GAS6: variants seen among roughly 807,000 people sequenced by gnomAD.
GAS6 encodes growth arrest-specific protein 6.
A neutral mutation model predicts 75.8 loss-of-function variants in GAS6; 41 were observed. That is an observed-to-expected ratio of 0.54 (90% CI 0.42 to 0.70). GAS6 has a LOEUF of 0.70. GAS6 is among the 30% of genes least tolerant of loss of function. GAS6 has a pLI of 0.00. For synonymous variants in GAS6, 432 were observed against 412.6 expected (o/e 1.05, Z -0.57); for missense variants, 854 against 940.2 (o/e 0.91, Z 1.20).
Position 113,848,374 on chromosome 13 carries a change from T to C in GAS6, c.256-324A>G, listed in dbSNP as rs1281339405. ...GTCTCTAAAACCCAAAGACCTTAGT[T>C]CCCTGTTGACACAAAGGTCTCTCAA... is the stretch of plus-strand genomic sequence containing the variant. On this transcript the variant is annotated intron_variant, in intron 2 of 14. Transcript: ENST00000327773. This position sits in a 1 kb window ranked among gnomAD's most constrained non-coding sequence, Gnocchi z 4.8. Among the ~76,000 whole-genome samples the C allele has an allele frequency of 6.6e-6, 1 of 152,172 alleles. No individual in the cohort carries two copies. Among genetic ancestry groups the C allele is most frequent in the African/African-American group, 2.4e-5 (1 of 41,428 alleles).
At chr13:113,835,402 T>C (rs1205031209) in intron 7 of GAS6, 111 bp downstream of exon 7, 4 of 1,305,640 alleles carry the variant, frequency 3.1e-6, no homozygotes, top group South Asian at 2.6e-5. Flanking sequence ...AGAAAGAGAC[T>C]TTCTTTCACC....
chr13:113,823,246 C>T (rs908078911), intron 13 of GAS6, 129 bp downstream of exon 13: 14 of 1,083,018 alleles, frequency 1.3e-5, no homozygotes, highest in African/African-American at 6.4e-5. Flanking sequence ...GCTCATCAGA[C>T]CTCTGGTCAG....
intron 4 of GAS6, chr13:113,840,075 T>G (rs925928730): frequency 4.3e-5 from 24 of 561,072 alleles, no homozygotes; most frequent in Non-Finnish European, 7.0e-5. Flanking sequence ...TCAGATCAAC[T>G]GGGAGGGAGT....
In GAS6 at chr13:113,824,082, A is replaced by C. The variant is rs1371939625; in HGVS notation, c.1478-532T>G. On this transcript the variant is annotated intron_variant, in intron 12 of 14. Coordinates refer to ENST00000327773, the MANE Select transcript of GAS6 (RefSeq NM_000820.4). Reference sequence around the variant, plus strand: ...AGGAGCACGCGCGGTCTGGGGTCTGAGCTGTCAGGAGCACCCGCGGTCTGA... The same window carrying C: ...AGGAGCACGCGCGGTCTGGGGTCTGCGCTGTCAGGAGCACCCGCGGTCTGA... Among the ~76,000 whole-genome samples, 995 of 124,262 alleles carry C rather than the reference A, an allele frequency of 8.0e-3. 3 individuals are homozygous for C. The highest frequency in any genetic ancestry group is 0.018 in the African/African-American group (490 of 26,576). 81.5% of individuals were successfully genotyped at this position (124,262 alleles called of 152,430 possible). A position where few individuals can be genotyped will look rare whatever the true frequency, so the allele number is the denominator to read the frequency against.
At chr13:113,860,797 TC>T (rs1417118078) in intron 2 of GAS6, among the ~76,000 whole-genome samples, 1 of 152,008 alleles carries the variant, frequency 6.6e-6, no homozygotes, top group East Asian at 1.9e-4. Context: ...GGGAGGAGTG[TC>T]CCTTCCAGCA....
chr13:113,855,803 T>C (rs60561811), intron 2 of GAS6, among the ~76,000 whole-genome samples: 11,980 of 152,262 alleles, frequency 0.079, 599 homozygotes, highest in East Asian at 0.17. Flanking sequence ...ACAGATGCCC[T>C]GGCAGCTGCC....
At chr13:113,842,455 C>T (rs1001214746) in intron 4 of GAS6, 16 of 395,418 alleles carry the variant, frequency 4.0e-5, no homozygotes, top group African/African-American at 8.5e-5. Context: ...CGCCAGGAGC[C>T]GGCCGGGGCC....
Position 113,834,596 on chromosome 13 carries a change from G to C in GAS6, c.789C>G (p.Asp263Glu), listed in dbSNP as rs755823762. 3 of 1,608,342 alleles carry C rather than the reference G, an allele frequency of 1.9e-6. No individual in the cohort carries two copies. Among genetic ancestry groups the C allele is most frequent in the Non-Finnish European group, 1.7e-6 (2 of 1,178,138 alleles). Reference protein sequence around the residue: ...NSPGSYTCHCDGRGGLKLSQD... With the variant: ...NSPGSYTCHCEGRGGLKLSQD... ...GGGACAGCTTGAGGCCCCCACGCCC[G>C]TCACAGTGGCAGGTGTAGCTCCCTG... The change falls in exon 8 of 15, where the codon GAC becomes GAG. Residue 263 changes from aspartate (D) to glutamate (E), a missense_variant. Coordinates refer to ENST00000327773, the MANE Select transcript of GAS6 (RefSeq NM_000820.4).
At chr13:113,821,904 G>T in intron 14 of GAS6, 54 bp downstream of exon 14, 2 of 1,403,836 alleles carry the variant, frequency 1.4e-6, no homozygotes, top group African/African-American at 1.4e-5. Context: ...GGGTGACCAA[G>T]CTGGGCCTCC....
chr13:113,842,537 T>A (rs1303902318), intron 4 of GAS6: 1 of 396,582 alleles, frequency 2.5e-6, no homozygotes, highest in Non-Finnish European at 4.4e-6. Context: ...GACGTCGATG[T>A]GGTCATAGCA....
intron 2 of GAS6, among the ~76,000 whole-genome samples, chr13:113,855,218 G>A (rs1441379350): frequency 1.3e-5 from 2 of 152,192 alleles, no homozygotes; most frequent in Admixed American, 1.3e-4. Flanking sequence ...TCGCACACAC[G>A]TGCCTTGGAC....
At chr13:113,821,725 G>T in intron 14 of GAS6, 1 of 530,498 alleles carries the variant, frequency 1.9e-6, no homozygotes, top group Non-Finnish European at 3.3e-6. Flanking sequence ...GCCTGACTCA[G>T]GCCAATGCCG....
chr13:113,854,268 G>A (rs1270278531), intron 2 of GAS6, among the ~76,000 whole-genome samples: 1 of 152,336 alleles, frequency 6.6e-6, no homozygotes, highest in Non-Finnish European at 1.5e-5. Flanking sequence ...CAGCACCGAC[G>A]TGGTGCCTGA....
chr13:113,820,903 C>T lies in GAS6; in HGVS notation c.1998G>A (p.Thr666=), dbSNP rs760861912. 32 of 1,611,750 alleles carry T rather than the reference C, an allele frequency of 2.0e-5. No individual in the cohort carries two copies. Among genetic ancestry groups the T allele is most frequent in the Non-Finnish European group, 2.5e-5 (30 of 1,179,864 alleles). ...GCTCCACGGGGGGGCAGGAGTGGGC[C>T]GTGATGTCGCTGTGCTTGTACGCCG... is the stretch of plus-strand genomic sequence containing the variant. ...DEAAYKHSDI[T]AHSCPPVEPA... Residue 666 remains threonine (T), a synonymous_variant, in exon 15 of 15, where the codon ACG becomes ACA. Transcript: ENST00000327773.
chr13:113,834,655 G>GCAGACACTCGTCCACATCTGCCAGC lies in GAS6; in HGVS notation c.713-8_729dup (p.Gln244AlafsTer13), dbSNP rs1202641858. On this transcript the variant is annotated frameshift_variant, in exon 8 of 15. Transcript: ENST00000327773. ...ACGCAGACCTGCTCACAGCGGCCCT[G>GCAGACACTCGTCCACATCTGCCAGC]CAGACACTCGTCCACATCTGCCAGC... 6.3e-7 allele frequency: 1 copy of GCAGACACTCGTCCACATCTGCCAGC among 1,590,082 alleles called. No homozygotes were observed. The highest frequency in any genetic ancestry group is 8.6e-7 in the Non-Finnish European group (1 of 1,167,224).
At chr13:113,851,420 T>C (rs549674879) in intron 2 of GAS6, among the ~76,000 whole-genome samples, 106 of 151,364 alleles carry the variant, frequency 7.0e-4, no homozygotes, top group Middle Eastern at 3.4e-3. Flanking sequence ...AGTGGGTGGA[T>C]AGGTGAATGG....
In GAS6 at chr13:113,822,153, C is replaced by T. The variant is rs557741567; in HGVS notation, c.1687G>A (p.Ala563Thr). 5.7e-6 allele frequency: 9 copies of T among 1,590,264 alleles called. No homozygotes were observed. Among genetic ancestry groups the T allele is most frequent in the African/African-American group, 4.0e-5 (3 of 74,874 alleles). ...VVLAVEHTAL[A>T]LMEIKVCDGQ... is the part of the protein sequence containing the mutation. The stretch of plus-strand genomic sequence containing the variant: ...TCGCAGACCTTGATCTCCATTAGGG[C>T]CAAGGCCGTATGCTCCACGGCCAGG... Residue 563 changes from alanine to threonine, a missense_variant, in exon 14 of 15, where the codon GCC (alanine) becomes ACC (threonine). Ala to Thr is a moderately conservative substitution (Grantham distance 58). Transcript: ENST00000327773.
At chr13:113,851,863 C>A (rs1032118265) in intron 2 of GAS6, among the ~76,000 whole-genome samples, 9 of 152,150 alleles carry the variant, frequency 5.9e-5, no homozygotes, top group Non-Finnish European at 1.0e-4. Context: ...GTTTACAAAC[C>A]CCCACGTGAT....
At chr13:113,827,214 T>C (rs2051562238) in intron 11 of GAS6, 50 bp from the exon 12 acceptor site, 1 of 1,586,132 alleles carries the variant, frequency 6.3e-7, no homozygotes, top group Non-Finnish European at 8.6e-7. Context: ...AGAAGCCCCA[T>C]GCCGGATGCC....
Sources: allele counts gnomAD v4.1 joint callset (sites outside exome capture counted in the v4.1 genomes callset), GRCh38; gene constraint gnomAD v4.1.1; non-coding constraint Gnocchi (gnomAD v3.1); transcripts MANE v1.5; gene names NCBI Gene and HGNC (gene_info 2026-07-23, HGNC 2026-07-21).